RBFOX1: variants seen among roughly 807,000 people sequenced by gnomAD.
RBFOX1 encodes RNA binding protein fox-1 homolog 1.
A neutral mutation model predicts 57.7 loss-of-function variants in RBFOX1; 8 were observed. The ratio of observed to expected loss-of-function variants is 0.14; its 90% CI spans 0.08 to 0.25. RBFOX1 has a LOEUF of 0.25. Among genes scored for constraint, RBFOX1 ranks in the 10% least tolerant of loss-of-function variants. RBFOX1 has a pLI of 1.00. For missense variants in RBFOX1, 611 were observed against 548.5 expected (o/e 1.11, Z -1.14); for synonymous variants, 326 against 222.4 (o/e 1.47, Z -4.15).
chr16:6,289,738 A>G (rs1321157247), intron 1 of RBFOX1, among the ~76,000 whole-genome samples: 1 of 152,172 alleles, frequency 6.6e-6, no homozygotes, highest in East Asian at 1.9e-4. Context: ...TGGGGGGAAA[A>G]TGCCTTCCCA....
At chr16:6,600,068 G>C (rs1203867530) in intron 2 of RBFOX1, among the ~76,000 whole-genome samples, 1 of 152,184 alleles carries the variant, frequency 6.6e-6, no homozygotes, top group Non-Finnish European at 1.5e-5. Flanking sequence ...ACATGTAGAG[G>C]AAGAGGGTTA....
chr16:5,753,342 A>T (rs1244478892), intron 3 of RBFOX1, among the ~76,000 whole-genome samples: 3 of 152,222 alleles, frequency 2.0e-5, no homozygotes, highest in Non-Finnish European at 4.4e-5. Context: ...TATGAATTTT[A>T]CACTATGTGC....
At chr16:6,916,931 C>A (rs2073318896) in intron 3 of RBFOX1, among the ~76,000 whole-genome samples, 2 of 152,132 alleles carry the variant, frequency 1.3e-5, no homozygotes, top group African/African-American at 2.4e-5. Flanking sequence ...CTCACTGCAA[C>A]CTCCACCTTC....
At position 6,097,661 on chromosome 16, in the gene RBFOX1, G is replaced by A. The variant is rs538109963; in HGVS notation, c.-127+77669G>A. ...AGTGATTGACTCAAGTGCTTAATAA[G>A]TGTCTAAGCTAGGATTTGACCCTAG... On this transcript the variant is annotated intron_variant, in intron 1 of 15. Coordinates refer to ENST00000550418, the MANE Select transcript of RBFOX1 (RefSeq NM_018723.4). This position sits in a 1 kb window ranked among gnomAD's most constrained non-coding sequence, Gnocchi z 5.0. Among the ~76,000 whole-genome samples the A allele has an allele frequency of 1.3e-5, 2 of 152,100 alleles. No individual in the cohort carries two copies. Among genetic ancestry groups the A allele is most frequent in the Admixed American group, 1.3e-4 (2 of 15,272 alleles).
chr16:5,650,012 C>T (rs113628683), intron 3 of RBFOX1, among the ~76,000 whole-genome samples: 1 of 152,196 alleles, frequency 6.6e-6, no homozygotes, highest in African/African-American at 2.4e-5. Flanking sequence ...TTGCAAACAC[C>T]ACATTGCTCT....
chr16:5,406,280 G>T (rs1342605763), intron 1 of RBFOX1, among the ~76,000 whole-genome samples: 2 of 152,082 alleles, frequency 1.3e-5, no homozygotes, highest in Admixed American at 6.6e-5. Context: ...ACAGCAGATG[G>T]CTGTACTCTA....
rs532323838 is a variant in RBFOX1, at chr16:7,032,561, C to A, written c.-15-19496C>A. ...TCAGCTAAATCTTATGTGGGAACAT[C>A]TCCCCATCTACAGCTATTTCTGTTT... On this transcript the variant is annotated intron_variant, in intron 3 of 15. Transcript: ENST00000550418. 3.3e-5 allele frequency among the ~76,000 whole-genome samples: 5 copies of A among 149,994 alleles called. No homozygotes were observed. The South Asian group carries it at 1.1e-3, about 33-fold the overall frequency.
intron 4 of RBFOX1, among the ~76,000 whole-genome samples, chr16:7,218,103 G>T (rs2092395776): frequency 6.6e-6 from 1 of 152,016 alleles, no homozygotes; most frequent in South Asian, 2.1e-4. Flanking sequence ...GTGTGCCCCT[G>T]AGTAGAGCTC....
chr16:7,345,185 G>A (rs748427557), intron 4 of RBFOX1, among the ~76,000 whole-genome samples: 4 of 152,192 alleles, frequency 2.6e-5, no homozygotes, highest in Admixed American at 6.5e-5. Flanking sequence ...CACATTCTCT[G>A]TCAAACATGT....
intron 1 of RBFOX1, among the ~76,000 whole-genome samples, chr16:5,250,310 GTTT>G: frequency 1.6e-5 from 1 of 63,362 alleles, no homozygotes; most frequent in East Asian, 3.5e-4. Flanking sequence ...GAATGTGCAG[GTTT>G]GTTACATAGG....
intron 3 of RBFOX1, among the ~76,000 whole-genome samples, chr16:7,041,033 A>G (rs1032113406): frequency 4.0e-5 from 6 of 150,730 alleles, no homozygotes; most frequent in Non-Finnish European, 8.8e-5. Flanking sequence ...CTCCTGCCTC[A>G]GCCCCCTGAG....
chr16:6,144,855 C>G (rs926601465), intron 1 of RBFOX1, among the ~76,000 whole-genome samples: 1 of 152,166 alleles, frequency 6.6e-6, no homozygotes, highest in Non-Finnish European at 1.5e-5. Flanking sequence ...TGAATCATCC[C>G]TCTTATGCAA....
chr16:5,585,955 G>T (rs891506737), intron 2 of RBFOX1, among the ~76,000 whole-genome samples: 2 of 152,246 alleles, frequency 1.3e-5, no homozygotes, highest in Middle Eastern at 3.4e-3. Context: ...TGGAAACAGG[G>T]TCTTTACAGA....
chr16:6,515,574 A>AT (rs995093599), intron 2 of RBFOX1, among the ~76,000 whole-genome samples: 12 of 152,116 alleles, frequency 7.9e-5, no homozygotes, highest in Non-Finnish European at 1.2e-4. Flanking sequence ...AAATAGAATA[A>AT]TTTTTTTCTA....
intron 3 of RBFOX1, among the ~76,000 whole-genome samples, chr16:6,820,938 GATA>G (rs2091185558): frequency 3.3e-5 from 5 of 152,118 alleles, no homozygotes; most frequent in Admixed American, 3.3e-4. Context: ...ATGGTTGAAT[GATA>G]ATTAAAGCTA....
chr16:6,524,733 T>C (rs1475426325), intron 2 of RBFOX1, among the ~76,000 whole-genome samples: 1 of 152,176 alleles, frequency 6.6e-6, no homozygotes, highest in African/African-American at 2.4e-5. Flanking sequence ...GAAACCTACC[T>C]GGCTTGTCCA....
intron 1 of RBFOX1, among the ~76,000 whole-genome samples, chr16:6,231,959 A>T (rs1176795693): frequency 6.6e-6 from 1 of 151,988 alleles, no homozygotes; most frequent in Non-Finnish European, 1.5e-5. Flanking sequence ...CAAATAAAGC[A>T]AATTATGCAC....
At chr16:5,349,793 G>T (rs558166526) in intron 1 of RBFOX1, among the ~76,000 whole-genome samples, 1 of 152,200 alleles carries the variant, frequency 6.6e-6, no homozygotes, top group African/African-American at 2.4e-5. Context: ...CACAGGAGCC[G>T]GGCTGTGCTG....
At chr16:7,361,206 C>T (rs550626086) in intron 4 of RBFOX1, among the ~76,000 whole-genome samples, 3 of 152,254 alleles carry the variant, frequency 2.0e-5, no homozygotes, top group East Asian at 1.9e-4. Context: ...AAGCCAGTTT[C>T]GTTTTATGCA....
Sources: allele counts gnomAD v4.1 joint callset (sites outside exome capture counted in the v4.1 genomes callset), GRCh38; gene constraint gnomAD v4.1.1; non-coding constraint Gnocchi (gnomAD v3.1); transcripts MANE v1.5; gene names NCBI Gene and HGNC (gene_info 2026-07-23, HGNC 2026-07-21).